Variants in RAB3GAP2 observed in about 807,000 individuals in gnomAD.
The protein encoded by RAB3GAP2 is rab3 GTPase-activating protein non-catalytic subunit.
Under a neutral mutation model 185.3 loss-of-function variants are expected in RAB3GAP2, and 87 were observed. That is an observed-to-expected ratio of 0.47 (90% CI 0.39 to 0.56). RAB3GAP2 has a LOEUF of 0.56. Among genes scored for constraint, RAB3GAP2 ranks in the 20% least tolerant of loss-of-function variants. The pLI, the probability that RAB3GAP2 is intolerant of heterozygous loss-of-function variation, is 0.00. For missense variants in RAB3GAP2, 1,492 were observed against 1,638.2 expected (o/e 0.91, Z 1.54); for synonymous variants, 554 against 576.1 (o/e 0.96, Z 0.55).
At chr1:220,215,572 T>C (rs1659176496) in intron 2 of RAB3GAP2, among the ~76,000 whole-genome samples, 1 of 152,306 alleles carries the variant, frequency 6.6e-6, no homozygotes, top group East Asian at 1.9e-4. Flanking sequence ...GTAGATTTCC[T>C]GTTGGGTTGA....
chr1:220,167,942 T>C (rs1327583257), intron 24 of RAB3GAP2, among the ~76,000 whole-genome samples: 1 of 152,226 alleles, frequency 6.6e-6, no homozygotes, highest in Admixed American at 6.5e-5. Context: ...CATATGTCTA[T>C]AAACCATATG....
At chr1:220,245,828 G>T (rs1432651877) in intron 1 of RAB3GAP2, among the ~76,000 whole-genome samples, 1 of 152,214 alleles carries the variant, frequency 6.6e-6, no homozygotes, top group Non-Finnish European at 1.5e-5. Context: ...TCTGAGAACA[G>T]GCAGACTGCC....
chr1:220,218,264 T>C (rs1013513798), intron 2 of RAB3GAP2, among the ~76,000 whole-genome samples: 2 of 152,164 alleles, frequency 1.3e-5, no homozygotes, highest in African/African-American at 4.8e-5. Context: ...TCCAACTTTC[T>C]CTGTTACTGT....
At chr1:220,210,712 G>T in intron 6 of RAB3GAP2, 89 bp downstream of exon 6, 1 of 1,336,186 alleles carries the variant, frequency 7.5e-7, no homozygotes, top group Non-Finnish European at 1.1e-6. Flanking sequence ...TCAGGCAGCA[G>T]GTAATAAAGT....
chr1:220,267,290 G>A (rs1432875517), intron 1 of RAB3GAP2: 2 of 945,612 alleles, frequency 2.1e-6, no homozygotes, highest in Non-Finnish European at 3.5e-6. Flanking sequence ...GTATATTCCA[G>A]AATTAGGTAG....
chr1:220,219,959 C>T (rs1659273878), intron 2 of RAB3GAP2, among the ~76,000 whole-genome samples: 1 of 152,164 alleles, frequency 6.6e-6, no homozygotes, highest in Non-Finnish European at 1.5e-5. Flanking sequence ...GTCATAAGGG[C>T]ATTTGCCTAC....
intron 13 of RAB3GAP2, among the ~76,000 whole-genome samples, chr1:220,192,418 A>G (rs985840037): frequency 1.3e-5 from 2 of 152,192 alleles, no homozygotes; most frequent in African/African-American, 4.8e-5. Context: ...ATTGTGGTCT[A>G]TGCTGACATG....
At chr1:220,159,333 C>T in intron 29 of RAB3GAP2, 53 bp downstream of exon 29, 1 of 1,431,398 alleles carries the variant, frequency 7.0e-7, no homozygotes, top group Non-Finnish European at 9.9e-7. Context: ...TAAAGTACTA[C>T]ATAAAAGTGT....
Position 220,182,675 on chromosome 1 carries a change from T to C in RAB3GAP2, c.2212+43A>G, listed in dbSNP as rs763835759. ...TATATGTTCCTACCATGTTTTCTTC[T>C]AAAAGAAGAGGCATACAAAGACCAG... is the stretch of plus-strand genomic sequence containing the variant. On this transcript the variant is annotated intron_variant, in intron 20 of 34. Coordinates refer to ENST00000358951, the MANE Select transcript of RAB3GAP2 (RefSeq NM_012414.4). 3 of 1,416,054 alleles carry C rather than the reference T, an allele frequency of 2.1e-6. No individual in the cohort carries two copies. In the Admixed American group the frequency reaches 6.6e-5, roughly 31 times the overall value. The allele number at this position is 1,416,054 out of a possible 1,614,324, so 87.7% of individuals were successfully genotyped here.
rs148155379 is a variant in RAB3GAP2 at position 220,205,547 on chromosome 1, C to T, written c.712+360G>A. Reference sequence around the variant, plus strand: ...TCTAGTGAAAATCTGGTACCTCAGCCACATGCAACTAAATTCTTTACCCCA... The same window carrying T: ...TCTAGTGAAAATCTGGTACCTCAGCTACATGCAACTAAATTCTTTACCCCA... On this transcript the variant is annotated intron_variant, in intron 8 of 34. Coordinates refer to ENST00000358951, the MANE Select transcript of RAB3GAP2 (RefSeq NM_012414.4). 4.8e-3 allele frequency among the ~76,000 whole-genome samples: 734 copies of T among 152,256 alleles called. 4 individuals carry two copies. Among genetic ancestry groups the T allele is most frequent in the African/African-American group, 0.017 (702 of 41,538 alleles).
At chr1:220,211,068 A>G in intron 4 of RAB3GAP2, 66 bp from the exon 5 acceptor site, 1 of 1,456,936 alleles carries the variant, frequency 6.9e-7, no homozygotes, top group Admixed American at 1.7e-5. Context: ...TTTCTCTATA[A>G]TTGGATGTTA....
At chr1:220,203,821 T>C (rs1658907538) in intron 8 of RAB3GAP2, among the ~76,000 whole-genome samples, 1 of 152,000 alleles carries the variant, frequency 6.6e-6, no homozygotes, top group Non-Finnish European at 1.5e-5. Context: ...AAGAACCACA[T>C]AGCCAAGACT....
intron 1 of RAB3GAP2, chr1:220,267,189 G>A: frequency 1.0e-6 from 1 of 983,484 alleles, no homozygotes; most frequent in Non-Finnish European, 1.7e-6. Context: ...AGTAAGACAG[G>A]GCACTTGCCA....
At chr1:220,167,428 AT>A in intron 25 of RAB3GAP2, 29 bp from the exon 26 acceptor site, 1 of 1,613,068 alleles carries the variant, frequency 6.2e-7, no homozygotes. Flanking sequence ...CAGTGATGTT[AT>A]TTTTTTCCTT....
chr1:220,185,845 G>T (rs1373596764), intron 17 of RAB3GAP2, 104 bp from the exon 18 acceptor site: 1 of 813,060 alleles, frequency 1.2e-6, no homozygotes, highest in Non-Finnish European at 2.1e-6. Context: ...ATTTCAAAGG[G>T]AAGCTCTATA....
At chr1:220,234,249 A>G (rs1659552907) in intron 1 of RAB3GAP2, among the ~76,000 whole-genome samples, 1 of 152,234 alleles carries the variant, frequency 6.6e-6, no homozygotes, top group Non-Finnish European at 1.5e-5. Context: ...AAAATATTAT[A>G]TTTAAGCAAT....
At chr1:220,251,482 AAT>A in intron 1 of RAB3GAP2, among the ~76,000 whole-genome samples, 1 of 152,362 alleles carries the variant, frequency 6.6e-6, no homozygotes, top group African/African-American at 2.4e-5. Context: ...AAAAATTGTG[AAT>A]AGTTAATTTA....
rs1448387115 is a variant in RAB3GAP2, at chr1:220,205,973, T to A, written c.646A>T (p.Ile216Phe). 2.5e-6 allele frequency: 4 copies of A among 1,610,546 alleles called. No homozygotes were observed. Among genetic ancestry groups the A allele is most frequent in the South Asian group, 1.1e-5 (1 of 90,850 alleles). The change falls in exon 8 of 35, where the codon ATT becomes TTT. Residue 216 changes from isoleucine to phenylalanine, a missense_variant. Physicochemically the swap from Ile to Phe is conservative, Grantham distance 21. Transcript: ENST00000358951. ...EELSILYPAA[I>F]VTIDGFSLFQ... ...AGGCTAAATCCATCAATAGTCACAA[T>A]GGCAGCTGGATATAAGATACTCAAC...
chr1:220,195,023 C>T, intron 12 of RAB3GAP2, 55 bp downstream of exon 12: 1 of 1,502,592 alleles, frequency 6.7e-7, no homozygotes. Context: ...AAAGACCATA[C>T]ATTTAACAGT....
Sources: gnomAD v4.1 joint callset for allele counts (sites outside exome capture counted in the v4.1 genomes callset) on GRCh38, gnomAD v4.1.1 for gene constraint, MANE v1.5 for transcripts, NCBI Gene and HGNC (gene_info 2026-07-23, HGNC 2026-07-21) for gene names.